Variants in ANKRD30B observed in about 807,000 individuals in gnomAD.
ANKRD30B encodes ankyrin repeat domain 30B.
ANKRD30B carries 144 observed loss-of-function variants against 202.2 expected under a neutral mutation model. The ratio of observed to expected loss-of-function variants is 0.71; its 90% CI spans 0.62 to 0.82. The LOEUF (loss-of-function observed/expected upper bound fraction) is 0.82, where lower values mean the gene tolerates loss of function less well. ANKRD30B is among the 40% of genes least tolerant of loss of function. The pLI, the probability that ANKRD30B is intolerant of heterozygous loss-of-function variation, is 0.00. For synonymous variants in ANKRD30B, 508 were observed against 561.3 expected, an observed-to-expected ratio of 0.91 and a Z score of 1.34; for missense variants, 1,487 against 1,669.1, an observed-to-expected ratio of 0.89 and a Z score of 1.90.
At chr18:14,853,201 C>T (rs998220762) in intron 42 of ANKRD30B, among the ~76,000 whole-genome samples, 2 of 151,898 alleles carry the variant, frequency 1.3e-5, no homozygotes, top group African/African-American at 2.4e-5. Context: ...AGAACTTTGT[C>T]CCACAGAAAG....
chr18:14,835,492 C>T (rs996317881), intron 34 of ANKRD30B, among the ~76,000 whole-genome samples: 1 of 151,590 alleles, frequency 6.6e-6, no homozygotes, highest in Admixed American at 6.6e-5. Flanking sequence ...ATAACTATTA[C>T]ACCTTGCACA....
chr18:14,811,116 C>G (rs1969889769), intron 28 of ANKRD30B, among the ~76,000 whole-genome samples: 1 of 149,624 alleles, frequency 6.7e-6, no homozygotes, highest in Non-Finnish European at 1.5e-5. Context: ...TCTCAAAAAG[C>G]AAACAAACAA....
chr18:14,777,798 C>T (rs1967470676), intron 9 of ANKRD30B, among the ~76,000 whole-genome samples, 187 bp from the exon 10 acceptor site: 1 of 151,666 alleles, frequency 6.6e-6, no homozygotes, highest in African/African-American at 2.4e-5. Context: ...AAAAAATTAG[C>T]CAGGTGTGGT....
At chr18:14,790,654 G>T (rs1339038761) in intron 15 of ANKRD30B, among the ~76,000 whole-genome samples, 3 of 152,194 alleles carry the variant, frequency 2.0e-5, no homozygotes, top group Admixed American at 6.5e-5. Context: ...TAATCATGTG[G>T]TTTTTGTCTT....
the ANKRD30B span, among the ~76,000 whole-genome samples, chr18:14,865,850 G>T: frequency 6.6e-6 from 1 of 152,110 alleles, no homozygotes; most frequent in Non-Finnish European, 1.5e-5. Context: ...CCTCTAAGCC[G>T]GGCTCAGAGC....
chr18:14,805,288 G>A (rs9748313), intron 24 of ANKRD30B, among the ~76,000 whole-genome samples: 2,302 of 150,802 alleles, frequency 0.015, 160 homozygotes, highest in African/African-American at 0.054. Flanking sequence ...TTATTCATAG[G>A]TATTTTACTG....
At chr18:14,892,606 G>A in the ANKRD30B span, among the ~76,000 whole-genome samples, 2 of 152,084 alleles carry the variant, frequency 1.3e-5, no homozygotes, top group African/African-American at 4.8e-5. Flanking sequence ...CGGGTGTGGT[G>A]GTGGGTGCCT....
rs1281336227 is a variant in ANKRD30B, at chr18:14,837,111, T to C, written c.2848-100T>C. 3 of 702,496 alleles carry C rather than the reference T, an allele frequency of 4.3e-6. No individual in the cohort carries two copies. In the Admixed American group the frequency reaches 8.0e-5, roughly 19 times the overall value. The allele number at this position is 702,496 out of a possible 1,614,324, so 43.5% of individuals were successfully genotyped here. On this transcript the variant is annotated intron_variant, in intron 34 of 43. Coordinates refer to ENST00000690538, the MANE Select transcript of ANKRD30B (RefSeq NM_001367607.2). The stretch of plus-strand genomic sequence containing the variant: ...CAAAGTATGTTTTTTGTTGTTGTTG[T>C]TGTTTGTCTTTCTGACAAATTGATT...
At chr18:14,806,274 A>T (rs1450883237) in intron 24 of ANKRD30B, among the ~76,000 whole-genome samples, 1 of 150,784 alleles carries the variant, frequency 6.6e-6, no homozygotes, top group Non-Finnish European at 1.5e-5. Flanking sequence ...CACCACATTT[A>T]ATTAGACTCT....
rs1204848063 is a variant in ANKRD30B at position 14,748,564 on chromosome 18, G to A, written c.145G>A (p.Gly49Ser). 7.0e-6 allele frequency: 11 copies of A among 1,560,652 alleles called. No individual in the cohort carries two copies. The highest frequency in any genetic ancestry group is 4.1e-5 in the African/African-American group (3 of 73,510). ...GAAGATCCATACAGCTGCCTCCCGG[G>A]GCCAAGTCCAGAAGCTGGAGAAGAT... ...LGKIHTAASR[G>S]QVQKLEKMTV... Residue 49 changes from glycine to serine, a missense_variant, in exon 1 of 44, where the codon GGC becomes AGC. Coordinates refer to ENST00000690538, the MANE Select transcript of ANKRD30B (RefSeq NM_001367607.2).
chr18:14,750,577 C>G (rs987220336), intron 1 of ANKRD30B, among the ~76,000 whole-genome samples: 13 of 152,044 alleles, frequency 8.6e-5, no homozygotes, highest in Non-Finnish European at 1.3e-4. Context: ...CATTAGTGAT[C>G]CATTCTATTA....
chr18:14,770,091 G>T (rs1223610181), intron 8 of ANKRD30B, among the ~76,000 whole-genome samples: 1 of 151,990 alleles, frequency 6.6e-6, no homozygotes, highest in African/African-American at 2.4e-5. Flanking sequence ...CTAGTTGCAG[G>T]CATTTTTCAT....
intron 18 of ANKRD30B, among the ~76,000 whole-genome samples, chr18:14,797,364 G>A (rs538039327): frequency 2.0e-5 from 3 of 152,134 alleles, no homozygotes; most frequent in Non-Finnish European, 2.9e-5. Flanking sequence ...AGCACATCAC[G>A]TGCTGTTGGC....
At chr18:14,907,646 C>T in the ANKRD30B span, among the ~76,000 whole-genome samples, 3 of 152,150 alleles carry the variant, frequency 2.0e-5, no homozygotes, top group Admixed American at 1.3e-4. Context: ...CTTGGGAGGC[C>T]GAGGCTGTCT....
At position 14,848,702 on chromosome 18, in the gene ANKRD30B, C is replaced by A; in HGVS notation, c.3182-14C>A. The A allele has an allele frequency of 6.7e-7, 1 of 1,487,314 alleles. No homozygotes were observed. The highest frequency in any genetic ancestry group is 1.4e-5 in the South Asian group (1 of 72,478). 92.1% of individuals were successfully genotyped at this position (1,487,314 alleles called of 1,614,324 possible). A position where few individuals can be genotyped will look rare whatever the true frequency, so the allele number is the denominator to read the frequency against. On this transcript the variant is annotated splice_polypyrimidine_tract_variant and intron_variant, in intron 39 of 43. Coordinates refer to ENST00000690538, the MANE Select transcript of ANKRD30B (RefSeq NM_001367607.2). ...GTACTAATATATTTTATTTCTATCTCCTCCTTGAGACAGATTCAACTACCC... is the reference window on the plus strand; with the variant it reads ...GTACTAATATATTTTATTTCTATCTACTCCTTGAGACAGATTCAACTACCC...
chr18:14,899,200 A>G, the ANKRD30B span, among the ~76,000 whole-genome samples: 4 of 152,274 alleles, frequency 2.6e-5, no homozygotes, highest in South Asian at 8.3e-4. Context: ...AATATGTTTT[A>G]TATATAAAGG....
At chr18:14,766,281 G>A (rs766421813) in intron 7 of ANKRD30B, among the ~76,000 whole-genome samples, 5 of 151,784 alleles carry the variant, frequency 3.3e-5, no homozygotes, top group Middle Eastern at 3.4e-3. Flanking sequence ...GACCATCCTG[G>A]CTAACACGGG....
chr18:14,903,793 A>C, the ANKRD30B span: 8 of 152,220 alleles, frequency 5.3e-5, no homozygotes, highest in African/African-American at 7.2e-5. Flanking sequence ...TTGTGATTCC[A>C]TTTAAGGTAC....
the ANKRD30B span, among the ~76,000 whole-genome samples, chr18:14,879,295 C>T: frequency 4.7e-5 from 7 of 150,358 alleles, no homozygotes; most frequent in Non-Finnish European, 1.0e-4. Flanking sequence ...CCAGCCAAGG[C>T]GAGGCGGCCA....
Sources: gnomAD v4.1 joint callset for allele counts (sites outside exome capture counted in the v4.1 genomes callset) on GRCh38, gnomAD v4.1.1 for gene constraint, MANE v1.5 for transcripts, NCBI Gene and HGNC (gene_info 2026-07-23, HGNC 2026-07-21) for gene names.